CEACAM8: variants seen among roughly 807,000 people sequenced by gnomAD.
CEACAM8 encodes CEA cell adhesion molecule 8.
A neutral mutation model predicts 33.4 loss-of-function variants in CEACAM8; 31 were observed. The ratio of observed to expected loss-of-function variants is 0.93; its 90% CI spans 0.70 to 1.25. CEACAM8 has a LOEUF of 1.25. CEACAM8 is among the 50% of genes most tolerant of loss of function. CEACAM8 has a pLI of 0.00. For synonymous variants in CEACAM8, 138 were observed against 164.5 expected, an observed-to-expected ratio of 0.84 and a Z score of 1.23; for missense variants, 388 against 434.6, an observed-to-expected ratio of 0.89 and a Z score of 0.95.
chr19:42,591,308 A>G (rs1220235549), intron 2 of CEACAM8, among the ~76,000 whole-genome samples: 2 of 152,208 alleles, frequency 1.3e-5, no homozygotes, highest in African/African-American at 4.8e-5. Flanking sequence ...TTCCAGCAGG[A>G]TCACATTATG....
chr19:42,583,114 G>A, intron 5 of CEACAM8, 92 bp downstream of exon 5: 1 of 672,482 alleles, frequency 1.5e-6, no homozygotes. Context: ...TTATTGGGAG[G>A]AGGAGGAGAT....
intron 4 of CEACAM8, among the ~76,000 whole-genome samples, chr19:42,587,938 G>C (rs1240425430): frequency 6.6e-6 from 1 of 152,228 alleles, no homozygotes; most frequent in African/African-American, 2.4e-5. Context: ...AGGAGGCGGA[G>C]GGTGAGCCGA....
intron 4 of CEACAM8, among the ~76,000 whole-genome samples, chr19:42,587,235 AC>A (rs2042351537): frequency 6.6e-6 from 1 of 152,242 alleles, no homozygotes; most frequent in African/African-American, 2.4e-5. Flanking sequence ...CAGCAATTCC[AC>A]TTCTGGACAT....
rs1161717600 is a variant in CEACAM8 at position 42,589,563 on chromosome 19, G to C, written c.597C>G (p.Thr199=). Reference sequence around the variant, plus strand: ...TCCTTGTGACACTGAGTAGAGTGAGGGTCCTGTTGCCATTGGACAGCTGCA... The same window carrying C: ...TCCTTGTGACACTGAGTAGAGTGAGCGTCCTGTTGCCATTGGACAGCTGCA... ...PRLQLSNGNR[T]LTLLSVTRND... The change falls in exon 3 of 6, where the codon ACC becomes ACG. Residue 199 remains threonine, a synonymous_variant. Transcript: ENST00000244336. 1.2e-6 allele frequency: 2 copies of C among 1,614,044 alleles called. No homozygotes were observed.
chr19:42,582,051 T>C (rs2147853300), intron 5 of CEACAM8, among the ~76,000 whole-genome samples: 2 of 150,470 alleles, frequency 1.3e-5, no homozygotes, highest in East Asian at 3.9e-4. Flanking sequence ...GGCTTGTATA[T>C]GTTGAAAAAG....
chr19:42,586,851 T>A (rs2042345213), intron 4 of CEACAM8, among the ~76,000 whole-genome samples: 1 of 152,124 alleles, frequency 6.6e-6, no homozygotes, highest in African/African-American at 2.4e-5. Context: ...GGATCAATTT[T>A]CAGAGTATAT....
chr19:42,593,952 G>A, intron 1 of CEACAM8, 52 bp from the exon 2 acceptor site: 1 of 1,518,304 alleles, frequency 6.6e-7, no homozygotes. Context: ...TATTGGAGTA[G>A]AAAAATGGGG....
intron 5 of CEACAM8, among the ~76,000 whole-genome samples, chr19:42,582,157 T>C (rs1369110191): frequency 1.3e-5 from 2 of 151,692 alleles, no homozygotes; most frequent in Non-Finnish European, 2.9e-5. Flanking sequence ...TGGTTACATG[T>C]TAGTAGCATC....
chr19:42,584,652 CTG>C (rs988091480), intron 4 of CEACAM8, among the ~76,000 whole-genome samples: 9 of 152,338 alleles, frequency 5.9e-5, no homozygotes, highest in Non-Finnish European at 1.0e-4. Context: ...GAAGCAAACA[CTG>C]TTACTGCAAT....
chr19:42,589,179 G>T, intron 3 of CEACAM8, 141 bp from the exon 4 acceptor site: 1 of 1,096,736 alleles, frequency 9.1e-7, no homozygotes, highest in Non-Finnish European at 1.3e-6. Context: ...AACCCCCGCT[G>T]TTTCTACTGA....
At chr19:42,591,403 C>G in intron 2 of CEACAM8, among the ~76,000 whole-genome samples, 1 of 152,210 alleles carries the variant, frequency 6.6e-6, no homozygotes, top group Non-Finnish European at 1.5e-5. Flanking sequence ...AGGACAGAAC[C>G]GGTCAGAGAG....
intron 5 of CEACAM8, among the ~76,000 whole-genome samples, chr19:42,582,154 A>G (rs764026737): frequency 6.6e-6 from 1 of 151,648 alleles, no homozygotes; most frequent in Non-Finnish European, 1.5e-5. Flanking sequence ...TCCTGGTTAC[A>G]TGTTAGTAGC....
chr19:42,582,656 A>G (rs1600284582), intron 5 of CEACAM8, among the ~76,000 whole-genome samples: 1 of 152,142 alleles, frequency 6.6e-6, no homozygotes, highest in Non-Finnish European at 1.5e-5. Flanking sequence ...TATATGGGGT[A>G]GATGCGCAGG....
chr19:42,588,647 G>T, intron 4 of CEACAM8, 137 bp downstream of exon 4: 3 of 930,776 alleles, frequency 3.2e-6, no homozygotes, highest in Non-Finnish European at 3.4e-6. Context: ...AAACTGGGAG[G>T]GTTTAGGAGA....
At chr19:42,585,747 G>T (rs895330329) in intron 4 of CEACAM8, among the ~76,000 whole-genome samples, 23 of 152,020 alleles carry the variant, frequency 1.5e-4, no homozygotes, top group Admixed American at 1.0e-3. Flanking sequence ...CCTAGCCAGA[G>T]AAATTAGGCA....
At chr19:42,591,356 A>C (rs2042434808) in intron 2 of CEACAM8, among the ~76,000 whole-genome samples, 1 of 152,084 alleles carries the variant, frequency 6.6e-6, no homozygotes, top group South Asian at 2.1e-4. Context: ...GAAATTAGCA[A>C]CTCCCAGGTA....
At chr19:42,592,018 T>C (rs2042449633) in intron 2 of CEACAM8, among the ~76,000 whole-genome samples, 1 of 152,238 alleles carries the variant, frequency 6.6e-6, no homozygotes, top group Admixed American at 6.5e-5. Flanking sequence ...TTCCTCGCAC[T>C]GGCTCTGACA....
chr19:42,592,690 A>G (rs1010559568), intron 2 of CEACAM8, among the ~76,000 whole-genome samples: 4 of 151,892 alleles, frequency 2.6e-5, no homozygotes, highest in African/African-American at 9.7e-5. Flanking sequence ...TCTATGAATT[A>G]GCATTAAATT....
intron 1 of CEACAM8, 95 bp downstream of exon 1, chr19:42,594,670 C>A: frequency 1.0e-6 from 1 of 953,562 alleles, no homozygotes; most frequent in South Asian, 1.3e-5. Context: ...AACAGAAGTC[C>A]TCTGTCCCCT....
Sources: gnomAD v4.1 joint callset for allele counts (sites outside exome capture counted in the v4.1 genomes callset) on GRCh38, gnomAD v4.1.1 for gene constraint, MANE v1.5 for transcripts, NCBI Gene and HGNC (gene_info 2026-07-23, HGNC 2026-07-21) for gene names.